The following WDFY3 variants were observed in gnomAD, a reference collection of about 807,000 sequenced individuals.
WDFY3 encodes the protein WD repeat and FYVE domain containing 3, also known as WD repeat and FYVE domain-containing protein 3.
Under a neutral mutation model 409.6 loss-of-function variants are expected in WDFY3, and 66 were observed. The observed-to-expected ratio is 0.16, with a 90% CI of 0.13 to 0.20. WDFY3 has a LOEUF of 0.20. Among genes scored for constraint, WDFY3 ranks in the 10% least tolerant of loss-of-function variants. The pLI, the probability that WDFY3 is intolerant of heterozygous loss-of-function variation, is 1.00. For missense variants in WDFY3, 3,031 were observed against 4,298.1 expected (o/e 0.71, Z 8.24); for synonymous variants, 1,521 against 1,537.1 (o/e 0.99, Z 0.25).
intron 4 of WDFY3, among the ~76,000 whole-genome samples, chr4:84,850,742 T>G (rs529268000): frequency 1.0e-3 from 158 of 152,146 alleles, no homozygotes; most frequent in Non-Finnish European, 1.9e-3. Flanking sequence ...GACGTCAGAA[T>G]TCACTAAACT....
At position 84,863,580 on chromosome 4, in the gene WDFY3, G is replaced by A. The variant is rs148580040; in HGVS notation, c.-31-2958C>T. Among the ~76,000 whole-genome samples, 104 of 152,174 alleles carry A rather than the reference G, an allele frequency of 6.8e-4. 1 individual carries two copies. Among genetic ancestry groups the A allele is most frequent in the African/African-American group, 2.4e-3 (98 of 41,518 alleles). On this transcript the variant is annotated intron_variant, in intron 3 of 67. Transcript: ENST00000295888. ...TTTTTAATCAGGTTATTTGAGTTTC[G>A]CTATGAGTTGCATGAGTCCCTTATG...
intron 2 of WDFY3, among the ~76,000 whole-genome samples, chr4:84,913,752 A>G (rs1236282882): frequency 8.9e-5 from 13 of 146,592 alleles, no homozygotes; most frequent in Non-Finnish European, 1.8e-4. Context: ...AGAGAAATAA[A>G]GCAAAAAAAA....
In WDFY3 at chr4:84,781,839, A is replaced by G. The variant is rs1397225869; in HGVS notation, c.4174+1124T>C. 2.6e-5 allele frequency among the ~76,000 whole-genome samples: 4 copies of G among 152,258 alleles called. No homozygotes were observed. The East Asian group carries it at 7.7e-4, about 29-fold the overall frequency. On this transcript the variant is annotated intron_variant, in intron 25 of 67. Coordinates refer to ENST00000295888, the MANE Select transcript of WDFY3 (RefSeq NM_014991.6). ...CGCTACCACGTGCTTTAGAGTAAAG[A>G]AAATTTTTACCAATGCTGTATTATC...
chr4:84,684,528 T>C (rs1422843679), intron 62 of WDFY3, among the ~76,000 whole-genome samples: 1 of 152,186 alleles, frequency 6.6e-6, no homozygotes, highest in Non-Finnish European at 1.5e-5. Context: ...CCTCCACTTT[T>C]ACAAAATGAA....
intron 47 of WDFY3, among the ~76,000 whole-genome samples, chr4:84,719,216 A>C (rs955531404): frequency 6.6e-6 from 1 of 152,134 alleles, no homozygotes; most frequent in African/African-American, 2.4e-5. Flanking sequence ...GAACTGTAGA[A>C]TTTGTTTCTA....
intron 5 of WDFY3, chr4:84,849,641 C>T (rs1872321): frequency 0.99 from 213,602 of 216,650 alleles, 105,381 homozygotes; most frequent in East Asian, 1. Flanking sequence ...TTGTATTTTG[C>T]TCAAAGGGAA....
intron 2 of WDFY3, among the ~76,000 whole-genome samples, chr4:84,918,553 A>C (rs1383624814): frequency 2.0e-5 from 3 of 152,130 alleles, no homozygotes; most frequent in Non-Finnish European, 4.4e-5. Context: ...AAGGTTGGTT[A>C]TCTAGCAGGG....
chr4:84,758,739 G>C (rs914801952), intron 32 of WDFY3, among the ~76,000 whole-genome samples: 2 of 151,888 alleles, frequency 1.3e-5, no homozygotes, highest in Admixed American at 1.3e-4. Context: ...AAATTATATA[G>C]CAATTTAAAA....
chr4:84,880,674 C>CACATATATATATATATAT (rs1218696740), intron 3 of WDFY3, among the ~76,000 whole-genome samples: 1 of 50,356 alleles, frequency 2.0e-5, no homozygotes, highest in Non-Finnish European at 3.4e-5. Flanking sequence ...GGGAACCATA[C>CACATATATATATATATAT]ATATATATAT....
chr4:84,782,310 A>C (rs997921239), intron 25 of WDFY3, among the ~76,000 whole-genome samples: 3 of 152,224 alleles, frequency 2.0e-5, no homozygotes, highest in Admixed American at 1.3e-4. Flanking sequence ...AATTTACCTA[A>C]AAGTTACACG....
chr4:84,728,467 C>G (rs1393987775), intron 44 of WDFY3, among the ~76,000 whole-genome samples: 1 of 151,938 alleles, frequency 6.6e-6, no homozygotes, highest in Admixed American at 6.6e-5. Context: ...GAGGTCCAGG[C>G]TGCAGTGAGC....
chr4:84,726,080 T>C (rs1735606697), intron 45 of WDFY3, among the ~76,000 whole-genome samples: 1 of 152,134 alleles, frequency 6.6e-6, no homozygotes. Context: ...AGGAAGGTCG[T>C]AGATTTTGTA....
rs535931266 is a variant in WDFY3 at position 84,894,773 on chromosome 4, G to A, written c.-32+2138C>T. ...CGCACTCCGGCCTGGGTGACAAAGCGAGACTCAGTCTGAAAAAAAAAAAAA... is the reference window on the plus strand; with the variant it reads ...CGCACTCCGGCCTGGGTGACAAAGCAAGACTCAGTCTGAAAAAAAAAAAAA... On this transcript the variant is annotated intron_variant, in intron 3 of 67. Transcript: ENST00000295888. Among the ~76,000 whole-genome samples the A allele has an allele frequency of 2.0e-5, 3 of 150,560 alleles. No homozygotes were observed. In the South Asian group the frequency reaches 6.3e-4, roughly 32 times the overall value.
At chr4:84,889,816 G>T (rs1231710215) in intron 3 of WDFY3, among the ~76,000 whole-genome samples, 1 of 152,084 alleles carries the variant, frequency 6.6e-6, no homozygotes, top group East Asian at 1.9e-4. Context: ...GTTTAGTTAT[G>T]ACATGATTAG....
chr4:84,810,082 T>C lies in WDFY3; in HGVS notation c.2150A>G (p.Asp717Gly), dbSNP rs1235202821. The change falls in exon 14 of 68, where the codon GAT becomes GGT. Residue 717 changes from aspartate (D) to glycine (G), a missense_variant. Physicochemically the swap from Asp to Gly is moderately conservative, Grantham distance 94 (BLOSUM62 -1). This residue lies in a region of WDFY3 where 1,322 missense variants were observed against 1,697.9 expected (regional missense o/e 0.78). Transcript: ENST00000295888. ...GAAGCAGCCAAGAAATCGAACAGCATCTGCCAACTTCTCATACTGAATCTC... is the reference window on the plus strand; with the variant it reads ...GAAGCAGCCAAGAAATCGAACAGCACCTGCCAACTTCTCATACTGAATCTC... The part of the protein sequence containing the change: ...KTEIQYEKLA[D>G]AVRFLGCFSD... 7 of 1,614,058 alleles carry C rather than the reference T, an allele frequency of 4.3e-6. No individual in the cohort carries two copies. The African/African-American group carries it at 5.3e-5, about 12-fold the overall frequency.
intron 3 of WDFY3, among the ~76,000 whole-genome samples, chr4:84,871,069 T>C (rs1762071571): frequency 6.6e-6 from 1 of 151,902 alleles, no homozygotes; most frequent in Non-Finnish European, 1.5e-5. Context: ...ACAAAGAACT[T>C]TGAGAACTTT....
At chr4:84,726,481 CTTTAGTA>C (rs955489154) in intron 45 of WDFY3, among the ~76,000 whole-genome samples, 5 of 152,064 alleles carry the variant, frequency 3.3e-5, no homozygotes, top group African/African-American at 7.2e-5. Flanking sequence ...AAAATATACA[CTTTAGTA>C]TTTAGAAGAA....
chr4:84,948,496 C>G (rs1369604191), intron 1 of WDFY3, among the ~76,000 whole-genome samples: 1 of 152,178 alleles, frequency 6.6e-6, no homozygotes, highest in Non-Finnish European at 1.5e-5. Context: ...TCTCCAAGTG[C>G]CTGGCTTCGC....
intron 32 of WDFY3, among the ~76,000 whole-genome samples, chr4:84,761,246 T>G (rs1452703786): frequency 1.3e-5 from 2 of 152,204 alleles, no homozygotes; most frequent in Non-Finnish European, 2.9e-5. Flanking sequence ...AATTTTGGAA[T>G]AGGTGTGGTG....
Sources: allele counts gnomAD v4.1 joint callset (sites outside exome capture counted in the v4.1 genomes callset), GRCh38; gene constraint gnomAD v4.1.1; regional missense constraint gnomAD v4.1.1; transcripts MANE v1.5; gene names NCBI Gene and HGNC (gene_info 2026-07-23, HGNC 2026-07-21).